The following TENM1 variants were observed in gnomAD, a reference collection of about 807,000 sequenced individuals.
TENM1 encodes the protein teneurin transmembrane protein 1, also known as teneurin-1.
A neutral mutation model predicts 174.8 loss-of-function variants in TENM1; 35 were observed. The observed-to-expected ratio is 0.20, with a 90% CI of 0.15 to 0.27. TENM1 has a LOEUF of 0.27. TENM1 is among the 10% of genes least tolerant of loss of function. The pLI is 1.00. For synonymous variants in TENM1, 781 were observed against 798.7 expected (o/e 0.98, Z 0.37); for missense variants, 1,633 against 2,130.1 (o/e 0.77, Z 4.59).
At chrX:124,656,785 A>T (rs2051454078) in intron 6 of TENM1, among the ~76,000 whole-genome samples, 1 of 111,879 alleles carries the variant, frequency 8.9e-6, no homozygotes, top group South Asian at 3.7e-4. Flanking sequence ...CAAACTAAAG[A>T]GAAGGAAATT....
chrX:125,140,220 T>C, the TENM1 span, among the ~76,000 whole-genome samples: 6 of 112,007 alleles, frequency 5.4e-5, no homozygotes, highest in East Asian at 1.4e-3. Context: ...ATGTTGTTCA[T>C]ACTAATCCAA....
the TENM1 span, among the ~76,000 whole-genome samples, chrX:125,102,675 A>G: frequency 8.9e-6 from 1 of 112,491 alleles, no homozygotes; most frequent in African/African-American, 3.2e-5. Context: ...TTCTTTGCCA[A>G]TATTCCAACT....
At chrX:125,110,593 T>TC in the TENM1 span, among the ~76,000 whole-genome samples, 214 of 110,755 alleles carry the variant, frequency 1.9e-3, 1 homozygote, top group African/African-American at 6.7e-3. Context: ...TCCCATTTTT[T>TC]TTTTTCCTTC....
At chrX:124,559,242 A>G (rs1208922435) in intron 14 of TENM1, among the ~76,000 whole-genome samples, 1 of 112,081 alleles carries the variant, frequency 8.9e-6, no homozygotes, top group Non-Finnish European at 1.9e-5. Context: ...CTATTATTAT[A>G]CCAAATCCTT....
rs200026582 is a variant in TENM1 at position 124,584,053 on chromosome X, G to A, written c.2078-18493C>T. ...GACTATGTGAAAAGACCAAATCTACGTCTGATTGGTGTACCTGAAAGTGAC... is the reference window on the plus strand; with the variant it reads ...GACTATGTGAAAAGACCAAATCTACATCTGATTGGTGTACCTGAAAGTGAC... On this transcript the variant is annotated intron_variant, in intron 11 of 31. Coordinates refer to ENST00000422452, the Ensembl canonical transcript of TENM1. 0.049 allele frequency among the ~76,000 whole-genome samples: 5,331 copies of A among 109,074 alleles called. 360 individuals are homozygous for A. The East Asian group carries it at 0.5, about 10-fold the overall frequency. The allele number at this position is 109,074 out of a possible 115,157, so 94.7% of individuals were successfully genotyped here. A position where few individuals can be genotyped will look rare whatever the true frequency, so the allele number is the denominator to read the frequency against.
At chrX:124,423,480 C>T (rs904620577) in intron 23 of TENM1, among the ~76,000 whole-genome samples, 3 of 111,439 alleles carry the variant, frequency 2.7e-5, no homozygotes, top group African/African-American at 6.5e-5. Flanking sequence ...TAGTAGAGCC[C>T]TCAGAGGAAC....
intron 3 of TENM1, among the ~76,000 whole-genome samples, chrX:124,831,798 A>G (rs910990211): frequency 1.9e-4 from 21 of 111,899 alleles, no homozygotes; most frequent in African/African-American, 6.5e-4. Context: ...ACAAAAAAAA[A>G]AGAAAACATT....
At chrX:124,442,927 G>C (rs1306504869) in intron 23 of TENM1, among the ~76,000 whole-genome samples, 5 of 110,236 alleles carry the variant, frequency 4.5e-5, no homozygotes, top group Non-Finnish European at 9.5e-5. Flanking sequence ...GCCTCTGAAA[G>C]TGTTGGGATT....
At chrX:125,064,481 A>G in the TENM1 span, among the ~76,000 whole-genome samples, 1 of 111,623 alleles carries the variant, frequency 9.0e-6, no homozygotes, top group Non-Finnish European at 1.9e-5. Context: ...TATGGGGACA[A>G]TGCCCTCCCC....
intron 4 of TENM1, among the ~76,000 whole-genome samples, chrX:124,731,341 A>G (rs1204268120): frequency 1.8e-5 from 2 of 112,033 alleles, no homozygotes; most frequent in African/African-American, 6.5e-5. Context: ...TGAAATGGTA[A>G]AATCAATATC....
At chrX:125,062,248 T>G in the TENM1 span, among the ~76,000 whole-genome samples, 104 of 111,545 alleles carry the variant, frequency 9.3e-4, 1 homozygote, top group Admixed American at 2.8e-4. Flanking sequence ...TTGTTATCAC[T>G]GCCATCTCCA....
chrX:124,485,116 C>T (rs1201269954), intron 21 of TENM1, among the ~76,000 whole-genome samples: 1 of 111,285 alleles, frequency 9.0e-6, no homozygotes, highest in Non-Finnish European at 1.9e-5. Context: ...TTATATTTGC[C>T]CTCCAAGCAT....
the TENM1 span, among the ~76,000 whole-genome samples, chrX:125,199,456 A>G: frequency 8.9e-6 from 1 of 112,037 alleles, no homozygotes; most frequent in African/African-American, 3.2e-5. Context: ...TAGCTTCTCC[A>G]CTCTTACAGT....
intron 1 of TENM1, among the ~76,000 whole-genome samples, chrX:124,924,076 G>A (rs745850232): frequency 3.7e-4 from 42 of 112,364 alleles, no homozygotes; most frequent in South Asian, 7.4e-4. Context: ...ACAGTGGATG[G>A]ATAACGGGGA....
chrX:124,578,028 C>G (rs1751065822), intron 11 of TENM1, among the ~76,000 whole-genome samples: 1 of 108,239 alleles, frequency 9.2e-6, no homozygotes, highest in African/African-American at 3.4e-5. Flanking sequence ...CAGGCTCAAG[C>G]AATCCTCCCG....
chrX:124,730,179 C>T (rs182608219), intron 4 of TENM1, among the ~76,000 whole-genome samples: 1 of 110,889 alleles, frequency 9.0e-6, no homozygotes, highest in African/African-American at 3.3e-5. Flanking sequence ...CAAGTGTATT[C>T]TATTTAAAAG....
chrX:124,542,360 A>C (rs1325347234), intron 15 of TENM1, among the ~76,000 whole-genome samples: 1 of 112,020 alleles, frequency 8.9e-6, no homozygotes, highest in East Asian at 2.8e-4. Context: ...CCTAGGGTGA[A>C]CCAAGAAACT....
the TENM1 span, among the ~76,000 whole-genome samples, chrX:125,021,810 T>C: frequency 1.8e-5 from 2 of 112,994 alleles, no homozygotes; most frequent in African/African-American, 6.4e-5. Context: ...ATTTTTTGTT[T>C]TAACAATTTA....
At position 124,481,124 on chromosome X, in the gene TENM1, T is replaced by C. The variant is rs140588914; in HGVS notation, c.3949+608A>G. ...TCCCACAGAAGGCAACAGAAAAAAA[T>C]TGGAATTTGTTATTCTAGAGGCAAT... On this transcript the variant is annotated intron_variant, in intron 22 of 31. Transcript: ENST00000422452. 2.6e-4 allele frequency among the ~76,000 whole-genome samples: 29 copies of C among 112,019 alleles called. No individual in the cohort carries two copies. In the East Asian group the frequency reaches 5.3e-3, roughly 21 times the overall value.
Sources: gnomAD v4.1 joint callset for allele counts (sites outside exome capture counted in the v4.1 genomes callset) on GRCh38, gnomAD v4.1.1 for gene constraint, MANE v1.5 for transcripts, NCBI Gene and HGNC (gene_info 2026-07-23, HGNC 2026-07-21) for gene names.